Variants in PIP5K1B observed in about 807,000 individuals in gnomAD.
The protein encoded by PIP5K1B is phosphatidylinositol-4-phosphate 5-kinase type 1 beta.
PIP5K1B carries 42 observed loss-of-function variants against 67.0 expected under a neutral mutation model. That is an observed-to-expected ratio of 0.63 (90% CI 0.49 to 0.81). PIP5K1B has a LOEUF of 0.81. PIP5K1B is among the 30% of genes least tolerant of loss of function. The pLI is 0.00. For synonymous variants in PIP5K1B, 214 were observed against 231.4 expected (o/e 0.92, Z 0.68); for missense variants, 459 against 646.3 (o/e 0.71, Z 3.14).
At chr9:68,971,288 T>C (rs1033566930) in intron 14 of PIP5K1B, among the ~76,000 whole-genome samples, 1 of 152,214 alleles carries the variant, frequency 6.6e-6, no homozygotes, top group Admixed American at 6.5e-5. Context: ...AATGATGGCT[T>C]CCAGCTTCAT....
chr9:68,816,145 C>T (rs565381165), intron 2 of PIP5K1B, among the ~76,000 whole-genome samples: 162 of 151,944 alleles, frequency 1.1e-3, no homozygotes, highest in Non-Finnish European at 1.7e-3. Context: ...TTTGTTTTTT[C>T]GAGACAGAGT....
intron 8 of PIP5K1B, among the ~76,000 whole-genome samples, chr9:68,902,282 T>C (rs989938656): frequency 6.6e-6 from 1 of 152,224 alleles, no homozygotes; most frequent in African/African-American, 2.4e-5. Context: ...TCACAACTCT[T>C]CCTAATCCTG....
chr9:68,997,177 T>C (rs1830634306), intron 15 of PIP5K1B, among the ~76,000 whole-genome samples: 1 of 152,172 alleles, frequency 6.6e-6, no homozygotes, highest in African/African-American at 2.4e-5. Flanking sequence ...ATTAACAGCT[T>C]ATCATACTAT....
At chr9:68,895,278 A>C (rs1478035214) in intron 8 of PIP5K1B, among the ~76,000 whole-genome samples, 1 of 151,966 alleles carries the variant, frequency 6.6e-6, no homozygotes, top group Non-Finnish European at 1.5e-5. Context: ...AAAAAAAAAA[A>C]AAAAAAAAAC....
intron 1 of PIP5K1B, among the ~76,000 whole-genome samples, chr9:68,723,785 AG>A (rs1343589917): frequency 7.3e-6 from 1 of 137,356 alleles, no homozygotes; most frequent in African/African-American, 2.7e-5. Flanking sequence ...ATAAATGGAT[AG>A]TTTGCAAATA....
chr9:68,780,813 T>G, intron 2 of PIP5K1B: 3 of 1,614,040 alleles, frequency 1.9e-6, no homozygotes, highest in Non-Finnish European at 2.5e-6. Context: ...GCCAAAGAGA[T>G]TTTTCCAGGG....
chr9:68,917,807 C>A, intron 9 of PIP5K1B, 48 bp downstream of exon 9: 1 of 1,325,306 alleles, frequency 7.5e-7, no homozygotes. Flanking sequence ...TGGCAGCCCA[C>A]GTCACTGGGT....
chr9:68,910,929 A>G (rs567129811), intron 8 of PIP5K1B, among the ~76,000 whole-genome samples: 1 of 152,258 alleles, frequency 6.6e-6, no homozygotes, highest in Non-Finnish European at 1.5e-5. Flanking sequence ...TTAAGTAACA[A>G]AAAGACATTG....
intron 14 of PIP5K1B, 60 bp from the exon 15 acceptor site, chr9:68,991,080 A>T: frequency 2.2e-6 from 2 of 928,378 alleles, no homozygotes; most frequent in Non-Finnish European, 1.8e-6. Flanking sequence ...AGGACTTTGG[A>T]GGTGTCTTTA....
chr9:68,778,809 T>A (rs1831056581), intron 2 of PIP5K1B, among the ~76,000 whole-genome samples: 1 of 152,232 alleles, frequency 6.6e-6, no homozygotes, highest in Non-Finnish European at 1.5e-5. Flanking sequence ...GCTCTTATGC[T>A]TCAGCGGCAC....
chr9:68,846,092 C>A (rs180968765), intron 4 of PIP5K1B, among the ~76,000 whole-genome samples: 1 of 152,120 alleles, frequency 6.6e-6, no homozygotes, highest in East Asian at 1.9e-4. Context: ...AAAATAAGCA[C>A]TTAACACAAT....
intron 14 of PIP5K1B, among the ~76,000 whole-genome samples, chr9:68,973,831 C>T (rs1342356663): frequency 2.0e-5 from 3 of 152,222 alleles, no homozygotes; most frequent in African/African-American, 7.2e-5. Flanking sequence ...CCAGGAGGCA[C>T]AGGCAGGGCC....
intron 2 of PIP5K1B, among the ~76,000 whole-genome samples, chr9:68,749,329 A>T (rs1338249123): frequency 6.6e-6 from 1 of 152,084 alleles, no homozygotes; most frequent in Admixed American, 6.5e-5. Context: ...TGATGTGGCT[A>T]CCAGTCAAGG....
chr9:68,761,304 T>C (rs1404477073), intron 2 of PIP5K1B, among the ~76,000 whole-genome samples: 2 of 152,126 alleles, frequency 1.3e-5, no homozygotes, highest in African/African-American at 4.8e-5. Context: ...AGTATTATGG[T>C]AGAGAAGGCA....
At chr9:68,912,844 G>T (rs1250149632) in intron 8 of PIP5K1B, among the ~76,000 whole-genome samples, 1 of 152,168 alleles carries the variant, frequency 6.6e-6, no homozygotes, top group Non-Finnish European at 1.5e-5. Context: ...GCTGCTCTTT[G>T]TAGCCTTTAG....
chr9:68,881,518 A>G (rs1824198924), intron 6 of PIP5K1B, among the ~76,000 whole-genome samples: 1 of 152,092 alleles, frequency 6.6e-6, no homozygotes, highest in Non-Finnish European at 1.5e-5. Flanking sequence ...GCCATTGGTA[A>G]CTCCATACTT....
chr9:68,932,391 G>A lies in PIP5K1B; in HGVS notation c.1202-2499G>A, dbSNP rs1827047786. Among the ~76,000 whole-genome samples, 3 of 152,136 alleles carry A rather than the reference G, an allele frequency of 2.0e-5. No homozygotes were observed. The South Asian group carries it at 6.2e-4, about 32-fold the overall frequency. Reference sequence around the variant, plus strand: ...ATAGCTATCTATATTTCACATATTAGAAATTAAAATTGAGAAAAATTTAAA... The same window carrying A: ...ATAGCTATCTATATTTCACATATTAAAAATTAAAATTGAGAAAAATTTAAA... On this transcript the variant is annotated intron_variant, in intron 12 of 15. Coordinates refer to ENST00000265382, the MANE Select transcript of PIP5K1B (RefSeq NM_003558.4).
intron 15 of PIP5K1B, among the ~76,000 whole-genome samples, chr9:69,004,763 T>C (rs1830997617): frequency 6.6e-6 from 1 of 152,168 alleles, no homozygotes; most frequent in African/African-American, 2.4e-5. Flanking sequence ...TCTGCAGTGA[T>C]GGCTAATATA....
intron 4 of PIP5K1B, among the ~76,000 whole-genome samples, chr9:68,858,761 G>A (rs1260139341): frequency 6.6e-6 from 1 of 152,182 alleles, no homozygotes; most frequent in African/African-American, 2.4e-5. Context: ...TTCACCTTAG[G>A]TGGAAAAATG....
Sources: allele counts gnomAD v4.1 joint callset (sites outside exome capture counted in the v4.1 genomes callset), GRCh38; gene constraint gnomAD v4.1.1; transcripts MANE v1.5; gene names NCBI Gene and HGNC (gene_info 2026-07-23, HGNC 2026-07-21).